DNAH3: variants seen among roughly 807,000 people sequenced by gnomAD.
DNAH3 encodes axonemal beta dynein heavy chain 3.
A neutral mutation model predicts 432.5 loss-of-function variants in DNAH3; 332 were observed. The ratio of observed to expected loss-of-function variants is 0.77; its 90% confidence interval spans 0.70 to 0.84. The LOEUF (loss-of-function observed/expected upper bound fraction) is 0.84. Among genes scored for constraint, DNAH3 ranks in the 40% least tolerant of loss-of-function variants. DNAH3 has a pLI of 0.00. For synonymous variants in DNAH3, 1,956 were observed against 1,900.2 expected (o/e 1.03, Z -0.76); for missense variants, 4,861 against 5,114.0 (o/e 0.95, Z 1.51).
At chr16:21,133,795 A>G (rs1268770478) in intron 7 of DNAH3, among the ~76,000 whole-genome samples, 1 of 152,248 alleles carries the variant, frequency 6.6e-6, no homozygotes, top group Admixed American at 6.5e-5. Flanking sequence ...ATTAACAATT[A>G]CTGGTGCTTA....
chr16:21,089,890 C>G (rs1000602117), intron 18 of DNAH3, among the ~76,000 whole-genome samples: 1 of 151,548 alleles, frequency 6.6e-6, no homozygotes, highest in Non-Finnish European at 1.5e-5. Context: ...CCTTGGAAAA[C>G]TAAAATTGAT....
intron 31 of DNAH3, among the ~76,000 whole-genome samples, chr16:21,047,809 A>T (rs2089773128): frequency 6.7e-6 from 1 of 150,218 alleles, no homozygotes; most frequent in Non-Finnish European, 1.5e-5. Flanking sequence ...TTGTGGTTTT[A>T]TCTACTTTTG....
chr16:20,977,868 AC>A (rs1440887203), intron 50 of DNAH3, among the ~76,000 whole-genome samples: 1 of 152,108 alleles, frequency 6.6e-6, no homozygotes, highest in Non-Finnish European at 1.5e-5. Flanking sequence ...GACCGACCTC[AC>A]CCTTGCTGGA....
exon 53 of DNAH3, chr16:20,964,096 A>G (rs758451062): frequency 6.2e-7 from 1 of 1,614,232 alleles, no homozygotes; most frequent in Admixed American, 1.7e-5. Context: ...GGAGGAGGAC[A>G]GAACTTTGAT....
chr16:21,096,930 C>T (rs2091699942), intron 18 of DNAH3, among the ~76,000 whole-genome samples: 1 of 152,184 alleles, frequency 6.6e-6, no homozygotes, highest in Admixed American at 6.6e-5. Flanking sequence ...TTCCTCCCTG[C>T]CCCTTAACCC....
chr16:21,104,290 T>C (rs2091900356), intron 16 of DNAH3, 181 bp downstream of exon 16: 1 of 612,944 alleles, frequency 1.6e-6, no homozygotes, highest in South Asian at 1.9e-5. Context: ...GAAGCAGTCT[T>C]AAAGAAAACA....
At chr16:21,106,551 C>T (rs1371251345) in exon 15 of DNAH3, 2 of 1,611,834 alleles carry the variant, frequency 1.2e-6, no homozygotes, top group Non-Finnish European at 1.7e-6. Flanking sequence ...TAAGTTGCCT[C>T]CTGAGTTTGA....
intron 48 of DNAH3, 51 bp from the exon 49 acceptor site, chr16:20,982,937 C>A: frequency 6.2e-7 from 1 of 1,605,288 alleles, no homozygotes; most frequent in Non-Finnish European, 8.5e-7. Flanking sequence ...CAGGTGGACC[C>A]AAGGAGGCAG....
intron 31 of DNAH3, among the ~76,000 whole-genome samples, chr16:21,042,868 G>A (rs1198241367): frequency 6.6e-6 from 1 of 151,948 alleles, no homozygotes; most frequent in Non-Finnish European, 1.5e-5. Context: ...TCCCCTTCCT[G>A]TGTCCATGTG....
intron 31 of DNAH3, among the ~76,000 whole-genome samples, chr16:21,046,271 G>C (rs907420807): frequency 1.7e-4 from 24 of 145,174 alleles, no homozygotes; most frequent in Non-Finnish European, 3.3e-4. Flanking sequence ...TGTTGACAGT[G>C]GGGTGTTAAA....
intron 49 of DNAH3, among the ~76,000 whole-genome samples, chr16:20,980,029 C>T (rs1471718494): frequency 1.3e-5 from 2 of 151,864 alleles, no homozygotes; most frequent in African/African-American, 4.8e-5. Context: ...GGATTACAGG[C>T]ATGAGCCACC....
chr16:21,074,447 C>T (rs1018080613), intron 21 of DNAH3, among the ~76,000 whole-genome samples: 8 of 152,120 alleles, frequency 5.3e-5, no homozygotes, highest in African/African-American at 1.9e-4. Context: ...GGCGTGGTGG[C>T]TCACACCTGT....
exon 20 of DNAH3, chr16:21,081,723 C>T: frequency 6.2e-7 from 1 of 1,613,438 alleles, no homozygotes; most frequent in South Asian, 1.1e-5. Context: ...AACAATCTCA[C>T]TGATCTGCAA....
chr16:20,944,802 CG>C, intron 57 of DNAH3, 139 bp from the exon 58 acceptor site: 2 of 812,844 alleles, frequency 2.5e-6, no homozygotes, highest in Non-Finnish European at 3.9e-6. Context: ...CACACACACA[CG>C]CTGGGAGAAC....
rs561469196 is a variant in DNAH3 at position 21,085,988 on chromosome 16, G to T, written c.2877+861C>A. On this transcript the variant is annotated intron_variant, in intron 19 of 61. Transcript: ENST00000261383. ...GGTCTCACTATGTTGCCCAGGCTGGGCTCAAACTATCCTCCTGCCTCAGCT... is the reference window on the plus strand; with the variant it reads ...GGTCTCACTATGTTGCCCAGGCTGGTCTCAAACTATCCTCCTGCCTCAGCT... 7.2e-5 allele frequency among the ~76,000 whole-genome samples: 11 copies of T among 152,152 alleles called. No homozygotes were observed. In the South Asian group the frequency reaches 2.3e-3, roughly 32 times the overall value.
intron 1 of DNAH3, among the ~76,000 whole-genome samples, chr16:21,154,835 T>G (rs2092887992): frequency 6.6e-6 from 1 of 152,210 alleles, no homozygotes; most frequent in African/African-American, 2.4e-5. Flanking sequence ...TGAAAGTGAC[T>G]TCCCCCAGGC....
chr16:21,001,726 T>C (rs2087030107), intron 42 of DNAH3, among the ~76,000 whole-genome samples: 1 of 152,066 alleles, frequency 6.6e-6, no homozygotes, highest in East Asian at 1.9e-4. Flanking sequence ...TAAATGAGGC[T>C]CGAAGAAACT....
intron 18 of DNAH3, among the ~76,000 whole-genome samples, chr16:21,095,358 G>T (rs201612524): frequency 6.6e-6 from 1 of 152,268 alleles, no homozygotes; most frequent in East Asian, 1.9e-4. Flanking sequence ...GATACTACTC[G>T]CAATAAAAGG....
chr16:21,129,567 C>CAA (rs555280776), intron 7 of DNAH3, among the ~76,000 whole-genome samples: 25,084 of 77,644 alleles, frequency 0.32, 3,064 homozygotes, highest in African/African-American at 0.35. Flanking sequence ...CCTATCTCTA[C>CAA]AAAAAAAAAA....
Sources: gnomAD v4.1 joint callset for allele counts (sites outside exome capture counted in the v4.1 genomes callset) on GRCh38, gnomAD v4.1.1 for gene constraint, MANE v1.5 for transcripts, NCBI Gene and HGNC (gene_info 2026-07-23, HGNC 2026-07-21) for gene names.